TRPM2: variants seen among roughly 807,000 people sequenced by gnomAD.
TRPM2 encodes transient receptor potential cation channel subfamily M member 2, also known as estrogen-responsive element-associated gene 1 protein.
A neutral mutation model predicts 174.0 loss-of-function variants in TRPM2; 161 were observed. That is an observed-to-expected ratio of 0.93 (90% CI 0.81 to 1.05). The LOEUF is 1.05. Among genes scored for constraint, TRPM2 ranks in the 50% least tolerant of loss-of-function variants. The pLI, the probability that TRPM2 is intolerant of heterozygous loss-of-function variation, is 0.00. For synonymous variants in TRPM2, 954 were observed against 861.3 expected, an observed-to-expected ratio of 1.11 and a Z score of -1.88; for missense variants, 2,057 against 2,038.0, an observed-to-expected ratio of 1.01 and a Z score of -0.18.
intron 9 of TRPM2, 141 bp downstream of exon 9, chr21:44,382,961 T>G (rs2048926551): frequency 7.2e-6 from 6 of 830,256 alleles, no homozygotes; most frequent in Non-Finnish European, 9.5e-6. Flanking sequence ...AGAGGGCAGC[T>G]GGCGACGTGC....
Position 44,375,897 on chromosome 21 carries a change from G to A in TRPM2, c.836G>A (p.Ser279Asn), listed in dbSNP as rs747233252. ...DGQGNLTCLD[S>N]NHSHFILVDD... is the part of the protein sequence containing the mutation. Reference sequence around the variant, plus strand: ...CAAGGGAACCTGACCTGCCTAGACAGCAACCACTCTCACTTCATCCTCGTG... The same window carrying A: ...CAAGGGAACCTGACCTGCCTAGACAACAACCACTCTCACTTCATCCTCGTG... The change falls in exon 6 of 32, where the codon AGC becomes AAC. Residue 279 changes from serine (S) to asparagine (N), a missense_variant. Ser to Asn is a conservative substitution (Grantham distance 46). Transcript: ENST00000397928. 1 of 1,614,088 alleles carries A rather than the reference G, an allele frequency of 6.2e-7. No homozygotes were observed.
At position 44,395,555 on chromosome 21, in the gene TRPM2, A is replaced by G; in HGVS notation, c.1932+4A>G. 6.2e-7 allele frequency: 1 copy of G among 1,612,792 alleles called. No individual in the cohort carries two copies. The highest frequency in any genetic ancestry group is 8.5e-7 in the Non-Finnish European group (1 of 1,179,888). ...GGCAGGAATCATCTGGGCTCAGGTA[A>G]TAAGACTGGCTTCTCAGTCTCAGCA... is the stretch of plus-strand genomic sequence containing the variant. On this transcript the variant is annotated splice_donor_region_variant and intron_variant, in intron 12 of 31. Transcript: ENST00000397928.
chr21:44,413,045 G>A lies in TRPM2; in HGVS notation c.2963-846G>A, dbSNP rs989618275. On this transcript the variant is annotated intron_variant, in intron 19 of 31. Coordinates refer to ENST00000397928, the MANE Select transcript of TRPM2 (RefSeq NM_003307.4). Reference sequence around the variant, plus strand: ...ACTTACTATGTTTCCTTAGAGATTTGTTTAAGGTAGAAGCTGTTTCCATAT... The same window carrying A: ...ACTTACTATGTTTCCTTAGAGATTTATTTAAGGTAGAAGCTGTTTCCATAT... 7.9e-5 allele frequency among the ~76,000 whole-genome samples: 12 copies of A among 151,954 alleles called. 2 individuals are homozygous for A. Among genetic ancestry groups the A allele is most frequent in the African/African-American group, 2.9e-4 (12 of 41,384 alleles).
chr21:44,381,111 G>T (rs1383034384), intron 8 of TRPM2, among the ~76,000 whole-genome samples: 1 of 152,070 alleles, frequency 6.6e-6, no homozygotes, highest in Non-Finnish European at 1.5e-5. Flanking sequence ...GCACCGTTGG[G>T]GTCTTAGGCA....
rs45625841 is a variant in TRPM2 at position 44,399,930 on chromosome 21, G to A, written c.2209-329G>A. ...GCTATTGCCAAGTCCATGAGCTCCC[G>A]TCATGTCCTGGGCTGTGCCAGGCCT... On this transcript the variant is annotated intron_variant, in intron 14 of 31. Coordinates refer to ENST00000397928, the MANE Select transcript of TRPM2 (RefSeq NM_003307.4). The surrounding 1 kb of genome is among the most constrained non-coding windows in gnomAD (Gnocchi z 4.6). Among the ~76,000 whole-genome samples the A allele has an allele frequency of 0.038, 5,800 of 152,274 alleles. 316 individuals carry two copies. Among genetic ancestry groups the A allele is most frequent in the African/African-American group, 0.12 (4,855 of 41,548 alleles).
At position 44,399,995 on chromosome 21, in the gene TRPM2, C is replaced by T. The variant is rs899436433; in HGVS notation, c.2209-264C>T. 2.0e-5 allele frequency among the ~76,000 whole-genome samples: 3 copies of T among 152,200 alleles called. No individual in the cohort carries two copies. Among genetic ancestry groups the T allele is most frequent in the African/African-American group, 7.2e-5 (3 of 41,450 alleles). On this transcript the variant is annotated intron_variant, in intron 14 of 31. Coordinates refer to ENST00000397928, the MANE Select transcript of TRPM2 (RefSeq NM_003307.4). The surrounding 1 kb of genome is among the most constrained non-coding windows in gnomAD (Gnocchi z 4.6). ...AAGGGTCCTGTCCCCCACTGCAGAG[C>T]TCAGAGGGGCCAGTGCTCTACAGCC...
intron 9 of TRPM2, among the ~76,000 whole-genome samples, chr21:44,383,190 T>A (rs1602181011): frequency 1.3e-5 from 2 of 152,084 alleles, no homozygotes; most frequent in South Asian, 4.2e-4. Context: ...AGTGTAGAGG[T>A]AGAGCAGGGC....
Position 44,366,685 on chromosome 21 carries a change from C to A in TRPM2, c.424-69C>A. 6.2e-7 allele frequency: 1 copy of A among 1,606,742 alleles called. No homozygotes were observed. The highest frequency in any genetic ancestry group is 1.1e-5 in the South Asian group (1 of 90,690). ...GCCCGCTGGGGCCTCTCTGCATGGC[C>A]TGTGTGGGTCGGTGCTGTCCCTGAC... On this transcript the variant is annotated intron_variant, in intron 3 of 31. Transcript: ENST00000397928. The surrounding 1 kb of genome is among the most constrained non-coding windows in gnomAD (Gnocchi z 6.0).
intron 24 of TRPM2, 182 bp from the exon 25 acceptor site, chr21:44,425,488 T>TG (rs1242098718): frequency 1.6e-5 from 10 of 617,162 alleles, no homozygotes; most frequent in Non-Finnish European, 2.5e-5. Flanking sequence ...CTCCCGTGGC[T>TG]GTCCTCCCTG....
chr21:44,404,162 CAT>C (rs565163859), intron 16 of TRPM2, among the ~76,000 whole-genome samples: 195 of 149,094 alleles, frequency 1.3e-3, no homozygotes, highest in Non-Finnish European at 1.1e-3. Flanking sequence ...GACACATACA[CAT>C]ATATACACAT....
At chr21:44,425,556 A>G in intron 24 of TRPM2, 114 bp from the exon 25 acceptor site, 1 of 1,271,130 alleles carries the variant, frequency 7.9e-7, no homozygotes. Flanking sequence ...GGGCTCGGGG[A>G]GGTGGAGGAG....
chr21:44,378,091 T>TG (rs2146200720), intron 7 of TRPM2, among the ~76,000 whole-genome samples: 1 of 152,234 alleles, frequency 6.6e-6, no homozygotes, highest in Non-Finnish European at 1.5e-5. Flanking sequence ...CTGGGGAGGC[T>TG]GGGGGGTTTC....
At chr21:44,437,892 C>T (rs568263977) in intron 29 of TRPM2, among the ~76,000 whole-genome samples, 1 of 152,374 alleles carries the variant, frequency 6.6e-6, no homozygotes, top group African/African-American at 2.4e-5. Context: ...CTGGCCGTGG[C>T]GCATGGCCTC....
chr21:44,386,347 G>T (rs937699313), intron 9 of TRPM2, among the ~76,000 whole-genome samples: 1 of 152,156 alleles, frequency 6.6e-6, no homozygotes, highest in African/African-American at 2.4e-5. Flanking sequence ...GGCAGAGCTT[G>T]CAGTGAGCTG....
intron 5 of TRPM2, among the ~76,000 whole-genome samples, chr21:44,371,291 T>G (rs567403444): frequency 3.5e-5 from 5 of 141,156 alleles, no homozygotes; most frequent in South Asian, 2.5e-4. Flanking sequence ...AGTGTCTGCC[T>G]CCGTGTCCCG....
At chr21:44,428,568 T>A (rs2050900292) in intron 27 of TRPM2, among the ~76,000 whole-genome samples, 1 of 145,248 alleles carries the variant, frequency 6.9e-6, no homozygotes, top group Non-Finnish European at 1.5e-5. Context: ...GTGTGGCTCC[T>A]CCCTGAGGTG....
intron 20 of TRPM2, among the ~76,000 whole-genome samples, chr21:44,414,435 T>C (rs2050211534): frequency 6.6e-6 from 1 of 152,222 alleles, no homozygotes; most frequent in South Asian, 2.1e-4. Context: ...CGCAGCATTA[T>C]TCATGGGCTC....
intron 9 of TRPM2, among the ~76,000 whole-genome samples, chr21:44,384,811 A>C (rs763310695): frequency 7.2e-5 from 11 of 152,218 alleles, no homozygotes; most frequent in African/African-American, 9.7e-5. Context: ...AGTAATAAAA[A>C]ATCTCCCCAT....
intron 8 of TRPM2, 24 bp downstream of exon 8, chr21:44,379,221 C>T (rs1330065579): frequency 1.2e-6 from 2 of 1,607,398 alleles, no homozygotes; most frequent in South Asian, 1.1e-5. Context: ...GCACGACGGT[C>T]ACCAGCATGT....
Sources: allele counts gnomAD v4.1 joint callset (sites outside exome capture counted in the v4.1 genomes callset), GRCh38; gene constraint gnomAD v4.1.1; non-coding constraint Gnocchi (gnomAD v3.1); transcripts MANE v1.5; gene names NCBI Gene and HGNC (gene_info 2026-07-23, HGNC 2026-07-21).